The following TBPL2 variants were observed in gnomAD, a reference collection of about 807,000 sequenced individuals.
TBPL2 encodes the protein TATA-box binding protein like 2.
TBPL2 carries 40 observed loss-of-function variants against 38.2 expected under a neutral mutation model. The observed-to-expected ratio is 1.05, with a 90% CI of 0.81 to 1.36. TBPL2 has a LOEUF of 1.36. Ranked by LOEUF, TBPL2 falls within the 40% of genes most tolerant of loss-of-function variation. The pLI is 0.00. For missense variants in TBPL2, 461 were observed against 456.7 expected (o/e 1.01, Z -0.09); for synonymous variants, 169 against 171.7 (o/e 0.98, Z 0.12).
intron 5 of TBPL2, among the ~76,000 whole-genome samples, chr14:55,425,562 G>C (rs1024259339): frequency 4.6e-5 from 7 of 152,170 alleles, no homozygotes; most frequent in Non-Finnish European, 7.3e-5. Flanking sequence ...TCCAAAAGAA[G>C]GCTGAGGCAG....
exon 7 of TBPL2, chr14:55,414,252 A>G (rs530441017): frequency 5.8e-6 from 4 of 693,856 alleles, no homozygotes; most frequent in South Asian, 4.1e-5. Flanking sequence ...TTACTTACAC[A>G]GAGTCGCCCT....
At chr14:55,421,332 T>G (rs1022583348) in intron 6 of TBPL2, among the ~76,000 whole-genome samples, 5 of 152,212 alleles carry the variant, frequency 3.3e-5, no homozygotes, top group African/African-American at 4.8e-5. Context: ...CTCTAGGACA[T>G]GTAGAGGTAA....
chr14:55,428,319 C>A (rs1885865406), intron 5 of TBPL2, among the ~76,000 whole-genome samples: 1 of 151,770 alleles, frequency 6.6e-6, no homozygotes, highest in African/African-American at 2.4e-5. Context: ...TTAGTAGAGA[C>A]AGGGTTTCAC....
intron 4 of TBPL2, among the ~76,000 whole-genome samples, chr14:55,433,116 A>G (rs1288423058): frequency 1.3e-5 from 2 of 151,822 alleles, no homozygotes; most frequent in Non-Finnish European, 2.9e-5. Context: ...TAAAATGGGG[A>G]TATGTCAGTA....
At chr14:55,421,243 G>C (rs1885740152) in intron 6 of TBPL2, among the ~76,000 whole-genome samples, 1 of 152,108 alleles carries the variant, frequency 6.6e-6, no homozygotes, top group Non-Finnish European at 1.5e-5. Context: ...GGACTTGAAA[G>C]TGTGTTTCCC....
intron 6 of TBPL2, among the ~76,000 whole-genome samples, chr14:55,415,852 C>G (rs575751125): frequency 3.9e-5 from 6 of 151,910 alleles, no homozygotes; most frequent in Non-Finnish European, 7.4e-5. Context: ...GGCGACACAG[C>G]GAGACTCTGT....
At chr14:55,429,098 G>T in intron 4 of TBPL2, 124 bp from the exon 5 acceptor site, 1 of 1,209,622 alleles carries the variant, frequency 8.3e-7, no homozygotes, top group Non-Finnish European at 1.1e-6. Context: ...GAAGCTGTAG[G>T]CTTTGTGAGG....
At chr14:55,438,470 G>C (rs1437731764) in intron 1 of TBPL2, among the ~76,000 whole-genome samples, 1 of 152,108 alleles carries the variant, frequency 6.6e-6, no homozygotes, top group Non-Finnish European at 1.5e-5. Context: ...TCCACTGCAG[G>C]GTTTCCTTGG....
At chr14:55,428,153 G>A (rs1220888586) in intron 5 of TBPL2, among the ~76,000 whole-genome samples, 1 of 39,664 alleles carries the variant, frequency 2.5e-5, no homozygotes. Context: ...TTTTTGAGAC[G>A]GAGTCTCGCT....
At chr14:55,424,334 AG>A (rs1885788638) in intron 5 of TBPL2, 81 bp from the exon 6 acceptor site, 1 of 842,212 alleles carries the variant, frequency 1.2e-6, no homozygotes, top group Non-Finnish European at 1.9e-6. Flanking sequence ...AGTATATTAA[AG>A]TGCATATTAA....
chr14:55,428,682 C>T, intron 5 of TBPL2, 125 bp downstream of exon 5: 1 of 1,044,906 alleles, frequency 9.6e-7, no homozygotes, highest in South Asian at 1.7e-5. Flanking sequence ...AATCTTTTCA[C>T]TATTGTGTCC....
chr14:55,424,276 T>C (rs751679629), intron 5 of TBPL2, 23 bp from the exon 6 acceptor site: 4 of 1,522,046 alleles, frequency 2.6e-6, no homozygotes, highest in East Asian at 2.3e-5. Flanking sequence ...AAAAGGAAAA[T>C]GTTAAAAATA....
intron 6 of TBPL2, among the ~76,000 whole-genome samples, chr14:55,419,508 C>T (rs76914627): frequency 0.012 from 1,859 of 152,282 alleles, 15 homozygotes; most frequent in Non-Finnish European, 0.02. Context: ...AAATGTCACA[C>T]CAGCCACAGA....
intron 6 of TBPL2, among the ~76,000 whole-genome samples, chr14:55,419,091 G>C (rs1008026391): frequency 6.6e-6 from 1 of 152,254 alleles, no homozygotes. Flanking sequence ...TCTTTCAGCT[G>C]ACAAGGAGAA....
intron 5 of TBPL2, among the ~76,000 whole-genome samples, chr14:55,425,918 T>A (rs1379746254): frequency 1.3e-5 from 2 of 152,226 alleles, no homozygotes; most frequent in Non-Finnish European, 2.9e-5. Context: ...TACATGGTAG[T>A]CACCTAGATC....
chr14:55,440,340 G>A, intron 1 of TBPL2, 56 bp downstream of exon 1: 1 of 1,603,574 alleles, frequency 6.2e-7, no homozygotes, highest in Non-Finnish European at 8.5e-7. Context: ...AAAGCCCTTG[G>A]CACAGGACCG....
intron 6 of TBPL2, among the ~76,000 whole-genome samples, chr14:55,415,820 CG>C (rs1465173934): frequency 1.3e-5 from 2 of 152,032 alleles, no homozygotes; most frequent in Non-Finnish European, 2.9e-5. Context: ...GAGCAGAGTT[CG>C]CACCATTACA....
intron 3 of TBPL2, among the ~76,000 whole-genome samples, chr14:55,434,656 A>G (rs1049691649): frequency 6.6e-6 from 1 of 152,158 alleles, no homozygotes; most frequent in Non-Finnish European, 1.5e-5. Flanking sequence ...TGCAGCTGTG[A>G]GGATCTTAGC....
intron 1 of TBPL2, among the ~76,000 whole-genome samples, chr14:55,438,429 G>GA (rs2140181938): frequency 6.6e-6 from 1 of 152,252 alleles, no homozygotes. Context: ...AGTGGCCTAA[G>GA]AAAAGTGAGA....
Sources: gnomAD v4.1 joint callset for allele counts (sites outside exome capture counted in the v4.1 genomes callset) on GRCh38, gnomAD v4.1.1 for gene constraint, MANE v1.5 for transcripts, NCBI Gene and HGNC (gene_info 2026-07-23, HGNC 2026-07-21) for gene names.